The following DEPDC5 variants were observed in gnomAD, a reference collection of about 807,000 sequenced individuals.
DEPDC5 encodes the protein DEP domain containing 5, GATOR1 subcomplex subunit, also known as GATOR1 complex protein DEPDC5.
DEPDC5 carries 73 observed loss-of-function variants against 217.3 expected under a neutral mutation model. The observed-to-expected ratio is 0.34, with a 90% CI of 0.28 to 0.41. DEPDC5 has a LOEUF of 0.41. Among genes scored for constraint, DEPDC5 ranks in the 10% least tolerant of loss-of-function variants. The pLI, the probability that DEPDC5 is intolerant of heterozygous loss-of-function variation, is 1.00. For missense variants in DEPDC5, 1,675 were observed against 2,070.1 expected, an observed-to-expected ratio of 0.81 and a Z score of 3.70; for synonymous variants, 733 against 756.7, an observed-to-expected ratio of 0.97 and a Z score of 0.51.
intron 37 of DEPDC5, among the ~76,000 whole-genome samples, chr22:31,879,043 A>AAC: frequency 8.4e-6 from 1 of 119,464 alleles, no homozygotes; most frequent in East Asian, 2.5e-4. Flanking sequence ...AAAAAAAAAA[A>AAC]ATATATATAT....
At chr22:31,793,009 G>A (rs2085858828) in intron 12 of DEPDC5, among the ~76,000 whole-genome samples, 192 bp downstream of exon 12, 1 of 152,024 alleles carries the variant, frequency 6.6e-6, no homozygotes, top group African/African-American at 2.4e-5. Flanking sequence ...GGTGGAGGTT[G>A]CAGTGAGCTG....
chr22:31,759,674 GC>G (rs1367248763), intron 3 of DEPDC5, among the ~76,000 whole-genome samples: 6 of 112,900 alleles, frequency 5.3e-5, no homozygotes, highest in African/African-American at 2.2e-4. Context: ...GCCGCGCCCA[GC>G]CTTTTTTTTT....
At chr22:31,865,927 C>T (rs1372031104) in intron 33 of DEPDC5, among the ~76,000 whole-genome samples, 1 of 152,188 alleles carries the variant, frequency 6.6e-6, no homozygotes, top group African/African-American at 2.4e-5. Flanking sequence ...GACTGGAAAG[C>T]AGGAGCCCAC....
intron 38 of DEPDC5, among the ~76,000 whole-genome samples, chr22:31,884,222 G>A (rs1162913651): frequency 6.6e-6 from 1 of 152,086 alleles, no homozygotes; most frequent in African/African-American, 2.4e-5. Context: ...TCCCCCTGAT[G>A]CAGCATCTCC....
intron 22 of DEPDC5, among the ~76,000 whole-genome samples, chr22:31,820,168 G>A (rs2089544908): frequency 1.3e-5 from 2 of 152,126 alleles, no homozygotes; most frequent in South Asian, 4.1e-4. Flanking sequence ...CTGGAGTACA[G>A]TGGCGTGATC....
At chr22:31,855,979 G>A (rs1013249087) in intron 31 of DEPDC5, among the ~76,000 whole-genome samples, 5 of 152,032 alleles carry the variant, frequency 3.3e-5, no homozygotes, top group African/African-American at 9.7e-5. Context: ...ACTGAGATGG[G>A]GTGTAGCATA....
In DEPDC5 at chr22:31,902,408, T is replaced by TATATATATA. The variant is rs2093663741; in HGVS notation, c.4436+606_4436+607insATATATATA. ...TCTCCAGTATCCTGTCATCTCCTTA[T>TATATATATA]TATATATATATATATATATATATAT... On this transcript the variant is annotated intron_variant, in intron 41 of 42. Coordinates refer to ENST00000651528, the MANE Select transcript of DEPDC5 (RefSeq NM_001242896.3). Among the ~76,000 whole-genome samples the TATATATATA allele has an allele frequency of 4.7e-3, 524 of 111,910 alleles. 11 individuals carry two copies. Among genetic ancestry groups the TATATATATA allele is most frequent in the African/African-American group, 0.017 (505 of 29,184 alleles). The allele number at this position is 111,910 out of a possible 152,430, so 73.4% of individuals were successfully genotyped here.
rs2049948435 is a variant in DEPDC5 at position 31,907,406 on chromosome 22, G to A, written c.*909G>A. The A allele has an allele frequency of 6.7e-6, 1 of 150,076 alleles. No homozygotes were observed. The highest frequency in any genetic ancestry group is 6.6e-5 in the Admixed American group (1 of 15,060). 9.3% of individuals were successfully genotyped at this position (150,076 alleles called of 1,614,324 possible). ...TGTTGTTTTTTTTGTTGTTTTTTTT[G>A]ACACAGTTTTCACTCTTGTTGCCCA... On this transcript the variant is annotated 3_prime_UTR_variant, in exon 43 of 43. Coordinates refer to ENST00000651528, the MANE Select transcript of DEPDC5 (RefSeq NM_001242896.3).
chr22:31,894,921 C>T (rs566255120), intron 39 of DEPDC5: 1 of 151,588 alleles, frequency 6.6e-6, no homozygotes, highest in African/African-American at 2.4e-5. Flanking sequence ...GCAGGAGGAT[C>T]ACCTAAGGTT....
intron 24 of DEPDC5, among the ~76,000 whole-genome samples, chr22:31,832,564 C>G (rs2090686461): frequency 6.6e-6 from 1 of 151,794 alleles, no homozygotes; most frequent in South Asian, 2.1e-4. Flanking sequence ...AGTCATAGCT[C>G]ACTGCAACCT....
Position 31,769,046 on chromosome 22 carries a change from G to T in DEPDC5, c.413+183G>T, listed in dbSNP as rs2108106. On this transcript the variant is annotated intron_variant, in intron 7 of 42. Coordinates refer to ENST00000651528, the MANE Select transcript of DEPDC5 (RefSeq NM_001242896.3). ...GAGGCCAAGGTGGGCGGATCACGAG[G>T]TCAGGAGATCAGGACCATACTGGCT... is the stretch of plus-strand genomic sequence containing the variant. 0.1 allele frequency: 61,647 copies of T among 609,744 alleles called. 3,602 individuals carry two copies. The highest frequency in any genetic ancestry group is 0.18 in the South Asian group (9,263 of 51,438). 37.8% of individuals were successfully genotyped at this position (609,744 alleles called of 1,614,324 possible). A position where few individuals can be genotyped will look rare whatever the true frequency, so the allele number is the denominator to read the frequency against.
Position 31,873,384 on chromosome 22 carries a change from A to G in DEPDC5, c.3563+52A>G, listed in dbSNP as rs767693459. On this transcript the variant is annotated intron_variant, in intron 35 of 42. Coordinates refer to ENST00000651528, the MANE Select transcript of DEPDC5 (RefSeq NM_001242896.3). Reference sequence around the variant, plus strand: ...TGGAAGGTTCCCAGAAGCCTGTGCCACAGCCATGTTTAGGCAGCGTGGTTT... The same window carrying G: ...TGGAAGGTTCCCAGAAGCCTGTGCCGCAGCCATGTTTAGGCAGCGTGGTTT... 7 of 1,589,852 alleles carry G rather than the reference A, an allele frequency of 4.4e-6. No homozygotes were observed. The Admixed American group carries it at 1.2e-4, about 27-fold the overall frequency.
chr22:31,795,113 C>G (rs1259887815), intron 12 of DEPDC5, among the ~76,000 whole-genome samples: 2 of 145,218 alleles, frequency 1.4e-5, no homozygotes, highest in Non-Finnish European at 3.0e-5. Context: ...CTCTGTTGCC[C>G]AGGCTGGAGT....
At chr22:31,905,869 A>C in intron 41 of DEPDC5, 115 bp from the exon 42 acceptor site, 7 of 902,908 alleles carry the variant, frequency 7.8e-6, no homozygotes, top group Non-Finnish European at 1.0e-5. Context: ...CTGGAAAGAG[A>C]TCTTTCCAGA....
At chr22:31,786,832 A>G (rs1300587663) in intron 10 of DEPDC5, among the ~76,000 whole-genome samples, 1 of 151,714 alleles carries the variant, frequency 6.6e-6, no homozygotes, top group Admixed American at 6.6e-5. Flanking sequence ...CTACTCTTTA[A>G]CTTTTGTTTT....
chr22:31,831,905 T>C (rs2148908812), intron 24 of DEPDC5, among the ~76,000 whole-genome samples: 1 of 152,292 alleles, frequency 6.6e-6, no homozygotes, highest in South Asian at 2.1e-4. Flanking sequence ...CACCCAAAAT[T>C]CCCTTGTGCT....
intron 33 of DEPDC5, among the ~76,000 whole-genome samples, 175 bp downstream of exon 33, chr22:31,861,608 G>T (rs762288622): frequency 3.9e-4 from 60 of 152,156 alleles, no homozygotes; most frequent in Admixed American, 3.8e-3. Flanking sequence ...GGCGGCGAAG[G>T]GGGGGATGGA....
chr22:31,902,278 G>A (rs1323336719), intron 41 of DEPDC5, among the ~76,000 whole-genome samples: 2 of 151,830 alleles, frequency 1.3e-5, no homozygotes, highest in Non-Finnish European at 2.9e-5. Context: ...AGCCGACTGT[G>A]TTGTCTCCAA....
chr22:31,873,595 C>G (rs1294872284), intron 35 of DEPDC5, among the ~76,000 whole-genome samples: 1 of 151,698 alleles, frequency 6.6e-6, no homozygotes, highest in African/African-American at 2.4e-5. Flanking sequence ...CACCCAACCT[C>G]TGCCTCAAGA....
Sources: gnomAD v4.1 joint callset for allele counts (sites outside exome capture counted in the v4.1 genomes callset) on GRCh38, gnomAD v4.1.1 for gene constraint, MANE v1.5 for transcripts, NCBI Gene and HGNC (gene_info 2026-07-23, HGNC 2026-07-21) for gene names.